The following PTPRN2 variants were observed in gnomAD, a reference collection of about 807,000 sequenced individuals.
PTPRN2 encodes the protein protein tyrosine phosphatase receptor type N2.
PTPRN2 carries 74 observed loss-of-function variants against 118.8 expected under a neutral mutation model. The observed-to-expected ratio is 0.62, with a 90% CI of 0.52 to 0.76. The LOEUF (loss-of-function observed/expected upper bound fraction) is 0.76, where lower values mean the gene tolerates loss of function less well. PTPRN2 is among the 30% of genes least tolerant of loss of function. The probability of loss-of-function intolerance (pLI) is 0.00; values close to 1 mark genes in which losing one functional copy is unlikely to be tolerated. For missense variants in PTPRN2, 1,481 were observed against 1,394.4 expected (o/e 1.06, Z -0.99); for synonymous variants, 641 against 608.0 (o/e 1.05, Z -0.80).
At chr7:158,028,331 G>A (rs890843980) in intron 11 of PTPRN2, 3 of 152,514 alleles carry the variant, frequency 2.0e-5, no homozygotes, top group Admixed American at 1.3e-4. Context: ...AGAGGCAGGA[G>A]AGCAAGAGCA....
intron 10 of PTPRN2, among the ~76,000 whole-genome samples, chr7:158,105,938 C>T (rs1041229366): frequency 6.6e-6 from 1 of 151,764 alleles, no homozygotes; most frequent in Admixed American, 6.6e-5. Context: ...TACTGTATAC[C>T]CAGCTCTATC....
intron 12 of PTPRN2, among the ~76,000 whole-genome samples, chr7:157,878,319 T>C (rs903849931): frequency 3.3e-5 from 5 of 150,258 alleles, no homozygotes; most frequent in African/African-American, 1.2e-4. Context: ...CGAGGAGCTC[T>C]CGGATTCCGT....
intron 2 of PTPRN2, among the ~76,000 whole-genome samples, chr7:158,432,566 T>C (rs542025137): frequency 1.3e-5 from 2 of 152,336 alleles, no homozygotes; most frequent in South Asian, 4.1e-4. Flanking sequence ...GTAAAGATAA[T>C]ATGTTTTCAA....
intron 12 of PTPRN2, among the ~76,000 whole-genome samples, chr7:157,830,034 C>T (rs113627193): frequency 6.6e-6 from 1 of 152,160 alleles, no homozygotes; most frequent in Admixed American, 6.5e-5. Context: ...CTCTCTCCCC[C>T]GTGTTACCAC....
chr7:158,326,245 C>A (rs1028255841), intron 2 of PTPRN2, among the ~76,000 whole-genome samples: 1 of 152,206 alleles, frequency 6.6e-6, no homozygotes, highest in African/African-American at 2.4e-5. Context: ...GCTGCGGTCA[C>A]CCAGGTGGCC....
chr7:158,056,032 C>A (rs575337979), intron 11 of PTPRN2, among the ~76,000 whole-genome samples: 6 of 152,206 alleles, frequency 3.9e-5, no homozygotes, highest in Non-Finnish European at 7.3e-5. Flanking sequence ...GCCGAGGCCC[C>A]TTCCTCTCTG....
At chr7:158,522,969 C>A (rs1440125799) in intron 1 of PTPRN2, among the ~76,000 whole-genome samples, 1 of 152,152 alleles carries the variant, frequency 6.6e-6, no homozygotes, top group Non-Finnish European at 1.5e-5. Flanking sequence ...CAAAAGTTAC[C>A]CAAAAATGGG....
rs372267845 is a variant in PTPRN2 at position 158,191,856 on chromosome 7, G to A, written c.549+471C>T. ...CCTTACGCTGCCCTGGGCTGCCCCC[G>A]GGGCAGGCTTGCCGGGGAGCAGGAG... is the stretch of plus-strand genomic sequence containing the variant. On this transcript the variant is annotated intron_variant, in intron 5 of 22. Transcript: ENST00000389418. Among the ~76,000 whole-genome samples the A allele has an allele frequency of 3.1e-3, 476 of 152,128 alleles. 6 individuals carry two copies. The highest frequency in any genetic ancestry group is 0.011 in the African/African-American group (437 of 41,524).
At chr7:158,340,626 T>C (rs1261681017) in intron 2 of PTPRN2, among the ~76,000 whole-genome samples, 49 of 81,574 alleles carry the variant, frequency 6.0e-4, no homozygotes, top group East Asian at 8.4e-4. Flanking sequence ...TCACTCACAC[T>C]CACACTCTAG....
rs1031233845 is a variant in PTPRN2, at chr7:157,611,436, G to T, written c.2345-7361C>A. Among the ~76,000 whole-genome samples, 5 of 152,186 alleles carry T rather than the reference G, an allele frequency of 3.3e-5. No individual in the cohort carries two copies. The highest frequency in any genetic ancestry group is 9.7e-5 in the African/African-American group (4 of 41,440). On this transcript the variant is annotated intron_variant, in intron 15 of 22. Transcript: ENST00000389418. The surrounding 1 kb of genome is among the most constrained non-coding windows in gnomAD (Gnocchi z 5.9). ...GAATGCAGGGGGAACAGACGCCAAA[G>T]GTGTGTGGGGGTTGCCGTGGCCAGG...
rs1801766075 is a variant in PTPRN2 at position 157,964,449 on chromosome 7, A to T, written c.1724-65712T>A. On this transcript the variant is annotated intron_variant, in intron 11 of 22. Coordinates refer to ENST00000389418, the MANE Select transcript of PTPRN2 (RefSeq NM_002847.5). The surrounding 1 kb of genome is among the most constrained non-coding windows in gnomAD (Gnocchi z 9.0). Reference sequence around the variant, plus strand: ...GTTTTGTGCTACCAAAAAAAAAAAAATCACCTGAATGAGTCAAGACAGTTA... The same window carrying T: ...GTTTTGTGCTACCAAAAAAAAAAAATTCACCTGAATGAGTCAAGACAGTTA... 6.6e-6 allele frequency among the ~76,000 whole-genome samples: 1 copy of T among 152,122 alleles called. No homozygotes were observed. Among genetic ancestry groups the T allele is most frequent in the African/African-American group, 2.4e-5 (1 of 41,420 alleles).
At chr7:157,810,747 C>T (rs1041439093) in intron 12 of PTPRN2, among the ~76,000 whole-genome samples, 6 of 134,890 alleles carry the variant, frequency 4.4e-5, no homozygotes, top group Admixed American at 1.5e-4. Context: ...TGGCTCTCCA[C>T]GGGGACGGCG....
At position 157,903,505 on chromosome 7, in the gene PTPRN2, C is replaced by T. The variant is rs1240252847; in HGVS notation, c.1724-4768G>A. ...AAAATTAAAAATACGGATAAGTGAA[C>T]AGATGTGCCACCGACAACCCTCCCA... is the stretch of plus-strand genomic sequence containing the variant. On this transcript the variant is annotated intron_variant, in intron 11 of 22. Transcript: ENST00000389418. The surrounding 1 kb of genome is among the most constrained non-coding windows in gnomAD (Gnocchi z 4.2). Among the ~76,000 whole-genome samples the T allele has an allele frequency of 6.6e-6, 1 of 152,134 alleles. No individual in the cohort carries two copies. The highest frequency in any genetic ancestry group is 2.4e-5 in the African/African-American group (1 of 41,426).
chr7:158,415,104 CAACCAGCTACTTCTCTGAT>C (rs1814548741), intron 2 of PTPRN2, among the ~76,000 whole-genome samples: 1 of 151,230 alleles, frequency 6.6e-6, no homozygotes, highest in African/African-American at 2.4e-5. Context: ...TCTGATGATA[CAACCAGCTACTTCTCTGAT>C]GATACAAACA....
rs1804005514 is a variant in PTPRN2, at chr7:157,632,231, C to T, written c.2197-10722G>A. ...GGTACTTCCTGGAGTCCACAGCCGG[C>T]CCAGTCTCTGCCTCACCTCTAGAAG... On this transcript the variant is annotated intron_variant, in intron 14 of 22. Transcript: ENST00000389418. This position sits in a 1 kb window ranked among gnomAD's most constrained non-coding sequence, Gnocchi z 4.3. Among the ~76,000 whole-genome samples the T allele has an allele frequency of 6.6e-6, 1 of 152,190 alleles. No individual in the cohort carries two copies. Among genetic ancestry groups the T allele is most frequent in the Non-Finnish European group, 1.5e-5 (1 of 68,038 alleles).
intron 4 of PTPRN2, among the ~76,000 whole-genome samples, chr7:158,194,126 CGT>C (rs372172364): frequency 2.6e-5 from 4 of 151,614 alleles, no homozygotes; most frequent in East Asian, 2.0e-4. Context: ...CGCGCATGTG[CGT>C]GTGTGAGTTT....
chr7:158,160,698 G>C (rs1452632249), intron 6 of PTPRN2, among the ~76,000 whole-genome samples: 2 of 151,958 alleles, frequency 1.3e-5, no homozygotes, highest in Admixed American at 6.6e-5. Flanking sequence ...TATACAGCTG[G>C]GTGCACACAA....
Position 158,015,648 on chromosome 7 carries a change from A to G in PTPRN2, c.1723+65650T>C, listed in dbSNP as rs1170492872. Reference sequence around the variant, plus strand: ...TCATATTGTTAATTTTTAACTAAAGACAACTGATTTTTGCCAGTAGCAGAG... The same window carrying G: ...TCATATTGTTAATTTTTAACTAAAGGCAACTGATTTTTGCCAGTAGCAGAG... On this transcript the variant is annotated intron_variant, in intron 11 of 22. Coordinates refer to ENST00000389418, the MANE Select transcript of PTPRN2 (RefSeq NM_002847.5). This position sits in a 1 kb window ranked among gnomAD's most constrained non-coding sequence, Gnocchi z 4.2. 2.0e-5 allele frequency among the ~76,000 whole-genome samples: 3 copies of G among 152,192 alleles called. No individual in the cohort carries two copies. The highest frequency in any genetic ancestry group is 4.4e-5 in the Non-Finnish European group (3 of 68,036).
chr7:157,573,803 C>T (rs1799877876), intron 19 of PTPRN2, among the ~76,000 whole-genome samples: 10 of 152,218 alleles, frequency 6.6e-5, no homozygotes. Flanking sequence ...ACCATTTTCT[C>T]TGACATGTTG....
Sources: gnomAD v4.1 joint callset for allele counts (sites outside exome capture counted in the v4.1 genomes callset) on GRCh38, gnomAD v4.1.1 for gene constraint, Gnocchi (gnomAD v3.1) non-coding constraint, MANE v1.5 for transcripts, NCBI Gene and HGNC (gene_info 2026-07-23, HGNC 2026-07-21) for gene names.